VPS13B: variants seen among roughly 807,000 people sequenced by gnomAD.
VPS13B encodes intermembrane lipid transfer protein VPS13B.
VPS13B carries 285 observed loss-of-function variants against 426.4 expected under a neutral mutation model. That is an observed-to-expected ratio of 0.67 (90% CI 0.61 to 0.74). VPS13B has a LOEUF of 0.74. Among genes scored for constraint, VPS13B ranks in the 30% least tolerant of loss-of-function variants. The pLI is 0.00. For synonymous variants in VPS13B, 1,676 were observed against 1,676.4 expected, an observed-to-expected ratio of 1.00 and a Z score of 0.01; for missense variants, 4,537 against 4,782.6, an observed-to-expected ratio of 0.95 and a Z score of 1.51.
At chr8:99,414,819 A>G (rs185400587) in intron 21 of VPS13B, among the ~76,000 whole-genome samples, 50 of 152,314 alleles carry the variant, frequency 3.3e-4, no homozygotes, top group African/African-American at 1.2e-3. Flanking sequence ...CTTTGTGGGT[A>G]ACCCGAACTT....
At chr8:99,360,178 CTTTCTT>C (rs1410979027) in intron 19 of VPS13B, among the ~76,000 whole-genome samples, 8 of 37,256 alleles carry the variant, frequency 2.1e-4, no homozygotes, top group African/African-American at 1.0e-3. Flanking sequence ...TTCTTTCTTT[CTTTCTT>C]TCTTTCTCTC....
At chr8:99,706,872 A>G (rs1270998097) in intron 36 of VPS13B, among the ~76,000 whole-genome samples, 1 of 151,916 alleles carries the variant, frequency 6.6e-6, no homozygotes, top group Non-Finnish European at 1.5e-5. Flanking sequence ...TCTATCCCCC[A>G]CTCTACTGAA....
At chr8:99,294,835 T>C (rs1306061866) in intron 19 of VPS13B, among the ~76,000 whole-genome samples, 1 of 152,178 alleles carries the variant, frequency 6.6e-6, no homozygotes, top group East Asian at 1.9e-4. Flanking sequence ...ACTAAGTTAA[T>C]TTGTTTATTA....
At chr8:99,551,992 A>C (rs1247757670) in intron 30 of VPS13B, among the ~76,000 whole-genome samples, 1 of 151,876 alleles carries the variant, frequency 6.6e-6, no homozygotes, top group East Asian at 1.9e-4. Context: ...TACCTCCCTC[A>C]AGCTTTAATT....
intron 33 of VPS13B, among the ~76,000 whole-genome samples, chr8:99,587,957 C>G (rs1242825922): frequency 2.0e-5 from 3 of 151,830 alleles, no homozygotes; most frequent in Admixed American, 6.5e-5. Flanking sequence ...GGTTTTAGGT[C>G]TAACGTTTAA....
intron 2 of VPS13B, among the ~76,000 whole-genome samples, chr8:99,029,337 C>T (rs936950934): frequency 2.0e-5 from 3 of 151,720 alleles, no homozygotes; most frequent in African/African-American, 7.3e-5. Context: ...AGACGATGGG[C>T]GGCCAGGCAG....
chr8:99,672,835 G>T (rs1830773304), intron 35 of VPS13B, among the ~76,000 whole-genome samples: 1 of 151,822 alleles, frequency 6.6e-6, no homozygotes, highest in South Asian at 2.1e-4. Flanking sequence ...CTAATTTTTT[G>T]AGAGTTCTTA....
At chr8:99,783,046 C>T (rs1812093238) in intron 42 of VPS13B, among the ~76,000 whole-genome samples, 1 of 152,088 alleles carries the variant, frequency 6.6e-6, no homozygotes, top group African/African-American at 2.4e-5. Context: ...AGCATAGAGC[C>T]TGCCCACCTA....
At chr8:99,465,623 C>G (rs1819075556) in intron 23 of VPS13B, among the ~76,000 whole-genome samples, 1 of 152,058 alleles carries the variant, frequency 6.6e-6, no homozygotes, top group South Asian at 2.1e-4. Context: ...ATATAGCTCA[C>G]TACCAGCTTT....
At chr8:99,817,476 A>C (rs1424122802) in intron 44 of VPS13B, 64 bp from the exon 45 acceptor site, 4 of 1,582,776 alleles carry the variant, frequency 2.5e-6, no homozygotes, top group Non-Finnish European at 3.5e-6. Flanking sequence ...TGTTTGAATG[A>C]TAACATATTT....
At chr8:99,107,235 A>G (rs1563544110) in intron 5 of VPS13B, among the ~76,000 whole-genome samples, 1 of 152,228 alleles carries the variant, frequency 6.6e-6, no homozygotes, top group East Asian at 1.9e-4. Context: ...ATGGAAGTGT[A>G]TATTCTTGAT....
intron 17 of VPS13B, among the ~76,000 whole-genome samples, chr8:99,222,999 G>A (rs1815811974): frequency 1.3e-5 from 2 of 152,078 alleles, no homozygotes; most frequent in African/African-American, 2.4e-5. Flanking sequence ...ACCATGCCCA[G>A]CTAATTTCTA....
intron 17 of VPS13B, among the ~76,000 whole-genome samples, chr8:99,244,018 C>A (rs1817072449): frequency 6.6e-6 from 1 of 152,210 alleles, no homozygotes; most frequent in South Asian, 2.1e-4. Flanking sequence ...GTGTTTAAAA[C>A]AGATTGCAGG....
intron 17 of VPS13B, among the ~76,000 whole-genome samples, chr8:99,208,305 G>A (rs961436000): frequency 6.6e-6 from 1 of 152,086 alleles, no homozygotes; most frequent in Non-Finnish European, 1.5e-5. Flanking sequence ...TTACATTTCA[G>A]CATGTGATTT....
At chr8:99,395,694 T>A (rs1814691544) in intron 21 of VPS13B, among the ~76,000 whole-genome samples, 2 of 152,042 alleles carry the variant, frequency 1.3e-5, no homozygotes, top group South Asian at 4.1e-4. Context: ...AATATAACAG[T>A]TGCAAACATT....
intron 43 of VPS13B, among the ~76,000 whole-genome samples, chr8:99,807,676 T>TG (rs1563925791): frequency 2.0e-5 from 3 of 147,040 alleles, no homozygotes; most frequent in Admixed American, 1.3e-4. Context: ...CCAGGGTGTG[T>TG]TTGTGTGTGT....
intron 58 of VPS13B, among the ~76,000 whole-genome samples, chr8:99,864,134 A>C (rs1816977206): frequency 6.6e-6 from 1 of 152,268 alleles, no homozygotes; most frequent in Non-Finnish European, 1.5e-5. Flanking sequence ...CAGCAAACTG[A>C]AATCTCCTCA....
intron 17 of VPS13B, among the ~76,000 whole-genome samples, chr8:99,196,268 T>G (rs527353675): frequency 2.0e-5 from 3 of 152,136 alleles, no homozygotes; most frequent in Admixed American, 6.5e-5. Flanking sequence ...TTTCATATCC[T>G]TGGTTAACTT....
At chr8:99,608,268 C>A (rs796127613) in intron 33 of VPS13B, among the ~76,000 whole-genome samples, 7 of 151,556 alleles carry the variant, frequency 4.6e-5, no homozygotes, top group African/African-American at 1.7e-4. Flanking sequence ...CCTACCTCAG[C>A]ATCCCTAGTA....
Sources: gnomAD v4.1 joint callset for allele counts (sites outside exome capture counted in the v4.1 genomes callset) on GRCh38, gnomAD v4.1.1 for gene constraint, MANE v1.5 for transcripts, NCBI Gene and HGNC (gene_info 2026-07-23, HGNC 2026-07-21) for gene names.